The following CACNA1C variants were observed in gnomAD, a reference collection of about 807,000 sequenced individuals.
CACNA1C encodes the protein calcium voltage-gated channel subunit alpha1 C.
A neutral mutation model predicts 229.0 loss-of-function variants in CACNA1C; 30 were observed. The observed-to-expected ratio is 0.13, with a 90% CI of 0.10 to 0.18. The LOEUF (loss-of-function observed/expected upper bound fraction) is 0.18. Among genes scored for constraint, CACNA1C ranks in the 10% least tolerant of loss-of-function variants. The pLI is 1.00. For synonymous variants in CACNA1C, 1,114 were observed against 1,132.5 expected, an observed-to-expected ratio of 0.98 and a Z score of 0.33; for missense variants, 1,658 against 2,845.0, an observed-to-expected ratio of 0.58 and a Z score of 9.49.
intron 7 of CACNA1C, among the ~76,000 whole-genome samples, chr12:2,495,451 G>A (rs1392722217): frequency 6.6e-6 from 1 of 152,200 alleles, no homozygotes; most frequent in African/African-American, 2.4e-5. Flanking sequence ...TGGGTGGAGG[G>A]TAGGAATAGA....
chr12:2,634,245 C>A, intron 29 of CACNA1C, 52 bp from the exon 30 acceptor site: 1 of 510,606 alleles, frequency 2.0e-6, no homozygotes, highest in Non-Finnish European at 2.7e-6. Context: ...TTGTTTTGTC[C>A]TTTCTTGTTG....
intron 30 of CACNA1C, among the ~76,000 whole-genome samples, chr12:2,642,961 C>T (rs1040109969): frequency 2.0e-5 from 3 of 152,246 alleles, no homozygotes; most frequent in Non-Finnish European, 4.4e-5. Flanking sequence ...GCTTCAGCCA[C>T]TTCCAGCCAG....
chr12:2,448,900 G>C, intron 3 of CACNA1C, 76 bp from the exon 4 acceptor site: 5 of 1,270,350 alleles, frequency 3.9e-6, no homozygotes, highest in Non-Finnish European at 5.6e-6. Flanking sequence ...CTACTTGTGA[G>C]ATCTACTGGT....
At chr12:2,563,110 A>G (rs2048361188) in intron 11 of CACNA1C, among the ~76,000 whole-genome samples, 1 of 152,186 alleles carries the variant, frequency 6.6e-6, no homozygotes, top group African/African-American at 2.4e-5. Context: ...TAGCTCCCAC[A>G]TATGAGTGAG....
Position 2,410,722 on chromosome 12 carries a change from G to T in CACNA1C, c.478-38254G>T, listed in dbSNP as rs1057156479. On this transcript the variant is annotated intron_variant, in intron 3 of 46. Coordinates refer to ENST00000399655, the MANE Select transcript of CACNA1C (RefSeq NM_000719.7). The surrounding 1 kb of genome is among the most constrained non-coding windows in gnomAD (Gnocchi z 5.3). ...CCTGTGTGTGTGTGTGTGCGTGCAC[G>T]CATGTGTGTGTGTGCATGCGTGTGT... Among the ~76,000 whole-genome samples the T allele has an allele frequency of 1.3e-5, 2 of 148,766 alleles. No individual in the cohort carries two copies. Among genetic ancestry groups the T allele is most frequent in the Non-Finnish European group, 3.0e-5 (2 of 66,326 alleles).
rs377165829 is a variant in CACNA1C at position 2,597,249 on chromosome 12, T to C, written c.2813T>C (p.Ile938Thr). The change falls in exon 21 of 47, where the codon ATT becomes ACT. Residue 938 changes from isoleucine (I) to threonine (T), a missense_variant. Physicochemically the swap from Ile to Thr is moderately conservative, Grantham distance 89 (BLOSUM62 -1). Transcript: ENST00000399655. This position sits in a 1 kb window ranked among gnomAD's most constrained non-coding sequence, Gnocchi z 4.3. ...FRNHILFYFD[I>T]VFTTIFTIEI... ...TTGCAGATTCTGTTTTATTTTGATA[T>C]TGTTTTTACCACCATTTTCACCATT... The C allele has an allele frequency of 2.6e-5, 42 of 1,611,904 alleles. No homozygotes were observed. The highest frequency in any genetic ancestry group is 1.6e-4 in the Middle Eastern group (1 of 6,074).
At chr12:2,471,870 G>C (rs1384598404) in intron 5 of CACNA1C, among the ~76,000 whole-genome samples, 1 of 152,092 alleles carries the variant, frequency 6.6e-6, no homozygotes, top group Non-Finnish European at 1.5e-5. Flanking sequence ...TAATAGAGAC[G>C]GGGTTTCACC....
At chr12:2,123,817 TC>T (rs1386502801) in intron 3 of CACNA1C, among the ~76,000 whole-genome samples, 2 of 152,220 alleles carry the variant, frequency 1.3e-5, no homozygotes, top group African/African-American at 4.8e-5. Flanking sequence ...TGTTCAGACT[TC>T]CTGTGCCTTA....
intron 8 of CACNA1C, among the ~76,000 whole-genome samples, chr12:2,509,038 A>C (rs927940715): frequency 1.3e-5 from 2 of 152,218 alleles, no homozygotes; most frequent in Non-Finnish European, 2.9e-5. Context: ...AGCGACTGCA[A>C]ACAGAGGGCT....
upstream of CACNA1C, among the ~76,000 whole-genome samples, chr12:2,052,010 G>GC (rs906264926): frequency 1.3e-5 from 2 of 152,134 alleles, no homozygotes; most frequent in Non-Finnish European, 2.9e-5. Context: ...GGAGTTGTAG[G>GC]CCCCCCTGAA....
intron 3 of CACNA1C, among the ~76,000 whole-genome samples, chr12:2,335,232 A>G (rs1317515713): frequency 2.6e-5 from 4 of 152,134 alleles, no homozygotes; most frequent in Non-Finnish European, 5.9e-5. Flanking sequence ...GCTGGGTTCC[A>G]CAAGTGGCCC....
At chr12:2,031,574 T>G (rs2048232374) in intron 1 of CACNA1C, among the ~76,000 whole-genome samples, 1 of 152,232 alleles carries the variant, frequency 6.6e-6, no homozygotes, top group Non-Finnish European at 1.5e-5. Context: ...GACATGAAGC[T>G]TGAAAGCCAG....
rs960297417 is a variant in CACNA1C at position 2,346,652 on chromosome 12, C to T, written c.478-102324C>T. Among the ~76,000 whole-genome samples, 4 of 152,236 alleles carry T rather than the reference C, an allele frequency of 2.6e-5. No individual in the cohort carries two copies. The highest frequency in any genetic ancestry group is 6.5e-5 in the Admixed American group (1 of 15,298). On this transcript the variant is annotated intron_variant, in intron 3 of 46. Coordinates refer to ENST00000399655, the MANE Select transcript of CACNA1C (RefSeq NM_000719.7). This position sits in a 1 kb window ranked among gnomAD's most constrained non-coding sequence, Gnocchi z 4.4. ...TTCCAAGCCTGGAGAATGACTGCAT[C>T]GTCCACCGTGATGAAGTACAGGCTT...
chr12:2,272,770 C>T (rs1233232341), intron 3 of CACNA1C, among the ~76,000 whole-genome samples: 1 of 152,174 alleles, frequency 6.6e-6, no homozygotes, highest in East Asian at 1.9e-4. Context: ...CTTGATCCTT[C>T]GCTGAAACAG....
chr12:2,522,165 T>A (rs2154580663), intron 9 of CACNA1C, among the ~76,000 whole-genome samples: 1 of 152,224 alleles, frequency 6.6e-6, no homozygotes, highest in East Asian at 1.9e-4. Flanking sequence ...AGAGCCCCCA[T>A]CTCAGGACAG....
chr12:2,637,620 G>A (rs887066412), intron 30 of CACNA1C, among the ~76,000 whole-genome samples: 3 of 152,222 alleles, frequency 2.0e-5, no homozygotes, highest in South Asian at 4.1e-4. Flanking sequence ...GAGCAAGGTC[G>A]CTCCCTCCCA....
At chr12:2,070,410 G>A (rs2060769353) in intron 1 of CACNA1C, among the ~76,000 whole-genome samples, 1 of 152,132 alleles carries the variant, frequency 6.6e-6, no homozygotes, top group African/African-American at 2.4e-5. Flanking sequence ...TTCTTTCTGA[G>A]TTTCTTTCCT....
intron 3 of CACNA1C, among the ~76,000 whole-genome samples, chr12:2,440,795 T>C (rs535654059): frequency 1.3e-3 from 194 of 152,306 alleles, no homozygotes; most frequent in African/African-American, 4.4e-3. Flanking sequence ...CCAAGGAGTT[T>C]GGGATGGGTG....
chr12:2,500,989 G>A lies in CACNA1C; in HGVS notation c.1114-3853G>A, dbSNP rs185092687. Among the ~76,000 whole-genome samples, 1,019 of 151,466 alleles carry A rather than the reference G, an allele frequency of 6.7e-3. 4 individuals carry two copies. The highest frequency in any genetic ancestry group is 7.8e-3 in the Non-Finnish European group (528 of 67,868). On this transcript the variant is annotated intron_variant, in intron 7 of 46. Transcript: ENST00000399655. Reference sequence around the variant, plus strand: ...TGGGAGGCCGAGGTGGGCGGATCACGAGGTCAGGAGATCGAGACCATCCTG... The same window carrying A: ...TGGGAGGCCGAGGTGGGCGGATCACAAGGTCAGGAGATCGAGACCATCCTG...
Sources: gnomAD v4.1 joint callset for allele counts (sites outside exome capture counted in the v4.1 genomes callset) on GRCh38, gnomAD v4.1.1 for gene constraint, Gnocchi (gnomAD v3.1) non-coding constraint, MANE v1.5 for transcripts, NCBI Gene and HGNC (gene_info 2026-07-23, HGNC 2026-07-21) for gene names.